MAP3K5: variants seen among roughly 807,000 people sequenced by gnomAD.
MAP3K5 encodes the protein mitogen-activated protein kinase kinase kinase 5.
Under a neutral mutation model 158.7 loss-of-function variants are expected in MAP3K5, and 56 were observed. The observed-to-expected ratio is 0.35, with a 90% CI of 0.28 to 0.44. MAP3K5 has a LOEUF of 0.44. Among genes scored for constraint, MAP3K5 ranks in the 20% least tolerant of loss-of-function variants. MAP3K5 has a pLI of 1.00. For missense variants in MAP3K5, 1,294 were observed against 1,674.8 expected (o/e 0.77, Z 3.97); for synonymous variants, 579 against 601.7 (o/e 0.96, Z 0.55).
chr6:136,715,938 G>A (rs538855587), intron 2 of MAP3K5, among the ~76,000 whole-genome samples: 28 of 145,206 alleles, frequency 1.9e-4, no homozygotes, highest in African/African-American at 6.6e-4. Flanking sequence ...GCTGAGACAG[G>A]AGAATTGCTT....
intron 1 of MAP3K5, among the ~76,000 whole-genome samples, chr6:136,781,824 C>T (rs567958449): frequency 6.6e-6 from 1 of 152,306 alleles, no homozygotes; most frequent in African/African-American, 2.4e-5. Context: ...GCGGTGGCCC[C>T]TGGACAGCAG....
chr6:136,669,415 T>A lies in MAP3K5; in HGVS notation c.1254-20A>T. The A allele has an allele frequency of 7.2e-7, 1 of 1,394,016 alleles. No individual in the cohort carries two copies. Among genetic ancestry groups the A allele is most frequent in the Non-Finnish European group, 1.0e-6 (1 of 982,232 alleles). The allele number at this position is 1,394,016 out of a possible 1,614,324, so 86.4% of individuals were successfully genotyped here. A position where few individuals can be genotyped will look rare whatever the true frequency, so the allele number is the denominator to read the frequency against. ...TTGAACCTATAAAAAACCACAAATGTACAAGTTAACTTTCTCAATCATGAA... is the reference window on the plus strand; with the variant it reads ...TTGAACCTATAAAAAACCACAAATGAACAAGTTAACTTTCTCAATCATGAA... On this transcript the variant is annotated intron_variant, in intron 7 of 29. Transcript: ENST00000359015.
At chr6:136,628,100 A>C (rs1169547940) in intron 14 of MAP3K5, among the ~76,000 whole-genome samples, 2 of 152,158 alleles carry the variant, frequency 1.3e-5, no homozygotes, top group East Asian at 3.9e-4. Context: ...GCATTTTTCC[A>C]ATAGATATAT....
chr6:136,664,335 C>T (rs751446545), intron 8 of MAP3K5, among the ~76,000 whole-genome samples: 4 of 152,080 alleles, frequency 2.6e-5, no homozygotes, highest in African/African-American at 9.7e-5. Context: ...AGGGCTCCCA[C>T]TGATTCTACA....
At chr6:136,718,915 C>T (rs1176590439) in intron 2 of MAP3K5, among the ~76,000 whole-genome samples, 2 of 152,162 alleles carry the variant, frequency 1.3e-5, no homozygotes, top group East Asian at 3.9e-4. Flanking sequence ...GCAGCTCACA[C>T]CTATAATCCC....
At chr6:136,591,086 T>C (rs1775365393) in intron 23 of MAP3K5, among the ~76,000 whole-genome samples, 1 of 152,226 alleles carries the variant, frequency 6.6e-6, no homozygotes, top group African/African-American at 2.4e-5. Context: ...GCACAAGCTC[T>C]CTTGCCTGCC....
At chr6:136,755,689 CA>C (rs772339028) in intron 1 of MAP3K5, among the ~76,000 whole-genome samples, 1,072 of 48,222 alleles carry the variant, frequency 0.022, 9 homozygotes, top group South Asian at 0.14. Context: ...ACTCTGTCTC[CA>C]AAAAAAAAAA....
At position 136,761,255 on chromosome 6, in the gene MAP3K5, G is replaced by A. The variant is rs117985638; in HGVS notation, c.448+30455C>T. Among the ~76,000 whole-genome samples, 77 of 148,538 alleles carry A rather than the reference G, an allele frequency of 5.2e-4. 1 individual carries two copies. The East Asian group carries it at 0.011, about 20-fold the overall frequency. On this transcript the variant is annotated intron_variant, in intron 1 of 29. Coordinates refer to ENST00000359015, the MANE Select transcript of MAP3K5 (RefSeq NM_005923.4). The stretch of plus-strand genomic sequence containing the variant: ...AGCACCTATTACATGTGAGCACTAC[G>A]GGCACAAGAATAAAGAAAATAGACC...
intron 3 of MAP3K5, among the ~76,000 whole-genome samples, chr6:136,704,023 TTTATA>T (rs1281539635): frequency 1.3e-5 from 2 of 152,164 alleles, no homozygotes; most frequent in Non-Finnish European, 2.9e-5. Context: ...CTGTTTCCAC[TTTATA>T]TTATAATTCT....
At chr6:136,773,239 A>G (rs904510724) in intron 1 of MAP3K5, among the ~76,000 whole-genome samples, 1 of 152,218 alleles carries the variant, frequency 6.6e-6, no homozygotes, top group African/African-American at 2.4e-5. Flanking sequence ...ACCAGCAGCC[A>G]GGCCACGTGC....
intron 2 of MAP3K5, among the ~76,000 whole-genome samples, chr6:136,706,839 T>C (rs1781096434): frequency 6.6e-6 from 1 of 152,206 alleles, no homozygotes. Flanking sequence ...CTGAGGGCCA[T>C]GAAGATGTAC....
rs189412900 is a variant in MAP3K5 at position 136,670,266 on chromosome 6, T to C, written c.1254-871A>G. Among the ~76,000 whole-genome samples the C allele has an allele frequency of 3.9e-3, 591 of 152,246 alleles. 6 individuals carry two copies. Among genetic ancestry groups the C allele is most frequent in the Non-Finnish European group, 7.1e-3 (481 of 67,986 alleles). ...AAGGTAATACTTCCTAGGATACTTT[T>C]AAGGGTTTCCTCACATGCATCATTA... On this transcript the variant is annotated intron_variant, in intron 7 of 29. Transcript: ENST00000359015.
At chr6:136,718,211 TG>T (rs1781604546) in intron 2 of MAP3K5, among the ~76,000 whole-genome samples, 2 of 152,270 alleles carry the variant, frequency 1.3e-5, no homozygotes, top group East Asian at 3.9e-4. Context: ...TATTATTCTT[TG>T]TTTTGTGATT....
intron 8 of MAP3K5, among the ~76,000 whole-genome samples, chr6:136,664,984 T>G (rs1201462017): frequency 6.6e-6 from 1 of 152,072 alleles, no homozygotes; most frequent in Non-Finnish European, 1.5e-5. Flanking sequence ...CACTTCACAG[T>G]TATCATAATA....
intron 9 of MAP3K5, 80 bp downstream of exon 9, chr6:136,659,139 T>A: frequency 8.3e-7 from 1 of 1,201,856 alleles, no homozygotes; most frequent in South Asian, 1.4e-5. Flanking sequence ...AATCATCTAA[T>A]TGTCAGTTCA....
intron 1 of MAP3K5, among the ~76,000 whole-genome samples, chr6:136,760,689 G>T (rs1461390935): frequency 6.6e-6 from 1 of 152,192 alleles, no homozygotes. Flanking sequence ...AACACTCCAG[G>T]CCAGGCACTG....
chr6:136,746,295 G>A (rs560345077), intron 1 of MAP3K5, among the ~76,000 whole-genome samples: 1 of 151,726 alleles, frequency 6.6e-6, no homozygotes, highest in South Asian at 2.1e-4. Flanking sequence ...TGAGGGGGGG[G>A]CAGGAAAATA....
Position 136,656,425 on chromosome 6 carries a change from T to C in MAP3K5, c.1562A>G (p.Tyr521Cys). ...TGTGGTCAGTTTCACAAAATGCTTATATATTAAAATTGTCTCTACAATAGA... is the reference window on the plus strand; with the variant it reads ...TGTGGTCAGTTTCACAAAATGCTTACATATTAAAATTGTCTCTACAATAGA... Reference protein sequence around the residue: ...LKSIVETILIYKHFVKLTTEQ... With the variant: ...LKSIVETILICKHFVKLTTEQ... Residue 521 changes from tyrosine to cysteine, a missense_variant, in exon 10 of 30, where the codon TAT becomes TGT. By Grantham distance (194) the Tyr-to-Cys change is radical (BLOSUM62 -2). Transcript: ENST00000359015. 1 of 1,603,442 alleles carries C rather than the reference T, an allele frequency of 6.2e-7. No homozygotes were observed. The highest frequency in any genetic ancestry group is 8.5e-7 in the Non-Finnish European group (1 of 1,175,978).
intron 19 of MAP3K5, among the ~76,000 whole-genome samples, chr6:136,604,955 C>A (rs1316939174): frequency 1.3e-5 from 2 of 152,002 alleles, no homozygotes; most frequent in Non-Finnish European, 2.9e-5. Context: ...ATTTATACTG[C>A]GTTGTTAAAA....
Sources: gnomAD v4.1 joint callset for allele counts (sites outside exome capture counted in the v4.1 genomes callset) on GRCh38, gnomAD v4.1.1 for gene constraint, MANE v1.5 for transcripts, NCBI Gene and HGNC (gene_info 2026-07-23, HGNC 2026-07-21) for gene names.